Variants in KDM4A observed in about 807,000 individuals in gnomAD.
KDM4A encodes the protein lysine demethylase 4A.
A neutral mutation model predicts 127.1 loss-of-function variants in KDM4A; 23 were observed. The observed-to-expected ratio is 0.18, with a 90% CI of 0.13 to 0.26. The LOEUF (loss-of-function observed/expected upper bound fraction) is 0.26. Ranked by LOEUF, KDM4A falls within the 10% of genes least tolerant of loss-of-function variation. The pLI is 1.00. For synonymous variants in KDM4A, 443 were observed against 466.5 expected, an observed-to-expected ratio of 0.95 and a Z score of 0.65; for missense variants, 890 against 1,329.1, an observed-to-expected ratio of 0.67 and a Z score of 5.14.
chr1:43,691,390 G>C lies in KDM4A; in HGVS notation c.2243-106G>C, dbSNP rs1205606503. ...CTAAAGAAAACTAAGGGGTTTCTGT[G>C]AGATTTGGTTGTAGCTTTGGGAGGT... On this transcript the variant is annotated intron_variant, in intron 14 of 21. Coordinates refer to ENST00000372396, the MANE Select transcript of KDM4A (RefSeq NM_014663.3). 7.3e-6 allele frequency: 7 copies of C among 958,742 alleles called. No individual in the cohort carries two copies. The African/African-American group carries it at 9.7e-5, about 13-fold the overall frequency. The allele number at this position is 958,742 out of a possible 1,614,324, so 59.4% of individuals were successfully genotyped here.
chr1:43,671,373 C>CA (rs1278811555), intron 10 of KDM4A, 132 bp from the exon 11 acceptor site: 4 of 935,996 alleles, frequency 4.3e-6, no homozygotes, highest in Non-Finnish European at 6.2e-6. Flanking sequence ...CAGTGCCCCT[C>CA]AGTGACAGAG....
At chr1:43,703,053 C>T (rs146434046) in intron 19 of KDM4A, among the ~76,000 whole-genome samples, 1,886 of 151,684 alleles carry the variant, frequency 0.012, 41 homozygotes, top group African/African-American at 0.043. Flanking sequence ...CACCATTCTC[C>T]TGCCTCAGAC....
chr1:43,695,226 C>T (rs1226567432), intron 18 of KDM4A, among the ~76,000 whole-genome samples: 2 of 152,172 alleles, frequency 1.3e-5, no homozygotes, highest in African/African-American at 4.8e-5. Flanking sequence ...CATGCAGAAC[C>T]TCTGAAAATG....
chr1:43,653,492 T>G (rs1660166764), intron 2 of KDM4A, among the ~76,000 whole-genome samples, 179 bp downstream of exon 2: 1 of 152,214 alleles, frequency 6.6e-6, no homozygotes, highest in South Asian at 2.1e-4. Context: ...TCTCTGCTTT[T>G]AGGTAGGAAG....
intron 11 of KDM4A, among the ~76,000 whole-genome samples, chr1:43,673,710 T>A (rs1431809613): frequency 6.6e-6 from 1 of 152,194 alleles, no homozygotes; most frequent in African/African-American, 2.4e-5. Flanking sequence ...GCAGCTTCCA[T>A]AAAGGAGGGC....
chr1:43,651,238 T>C (rs1037855615), intron 1 of KDM4A, among the ~76,000 whole-genome samples: 2 of 152,222 alleles, frequency 1.3e-5, no homozygotes, highest in African/African-American at 2.4e-5. Context: ...TTAAATAAAC[T>C]TCGGGTTTCT....
intron 15 of KDM4A, 79 bp downstream of exon 15, chr1:43,691,651 C>T: frequency 1.6e-6 from 2 of 1,225,576 alleles, no homozygotes; most frequent in South Asian, 2.4e-5. Flanking sequence ...ATGTTGGACT[C>T]AGTATTCCCA....
At position 43,663,056 on chromosome 1, in the gene KDM4A, AACTACCTGC is replaced by A; in HGVS notation, c.596_604del (p.Tyr199_His201del). ...TGAAGACATGGACCTCTACAGCATCAACTACCTGCACTTTGGAGAACCAAAGTCCTGGTA... is the reference window on the plus strand; with the variant it reads ...TGAAGACATGGACCTCTACAGCATCAACTTTGGAGAACCAAAGTCCTGGTA... On this transcript the variant is annotated inframe_deletion, in exon 5 of 22. Coordinates refer to ENST00000372396, the MANE Select transcript of KDM4A (RefSeq NM_014663.3). 1 of 1,613,986 alleles carries A rather than the reference AACTACCTGC, an allele frequency of 6.2e-7. No homozygotes were observed. Among genetic ancestry groups the A allele is most frequent in the Non-Finnish European group, 8.5e-7 (1 of 1,179,894 alleles).
At position 43,698,098 on chromosome 1, in the gene KDM4A, G is replaced by C. The variant is rs1661287536; in HGVS notation, c.2841+85G>C. On this transcript the variant is annotated intron_variant, in intron 19 of 21. Coordinates refer to ENST00000372396, the MANE Select transcript of KDM4A (RefSeq NM_014663.3). ...GCTGGCAGACTGTGTGTGTATGCCTGCTTCTTCTAGCCAGGTCCCTGGTCC... is the reference window on the plus strand; with the variant it reads ...GCTGGCAGACTGTGTGTGTATGCCTCCTTCTTCTAGCCAGGTCCCTGGTCC... The C allele has an allele frequency of 4.6e-6, 6 of 1,301,894 alleles. No homozygotes were observed. In the East Asian group the frequency reaches 9.3e-5, roughly 20 times the overall value. The allele number at this position is 1,301,894 out of a possible 1,614,324, so 80.6% of individuals were successfully genotyped here.
chr1:43,687,336 C>T (rs542821194), intron 12 of KDM4A, among the ~76,000 whole-genome samples: 1 of 152,300 alleles, frequency 6.6e-6, no homozygotes, highest in African/African-American at 2.4e-5. Context: ...AATGGAAGTA[C>T]AGACCAGAGC....
intron 4 of KDM4A, among the ~76,000 whole-genome samples, chr1:43,661,608 CAAA>C (rs34131801): frequency 6.0e-3 from 246 of 40,852 alleles, no homozygotes; most frequent in African/African-American, 0.029. Context: ...GACTCTGTCT[CAAA>C]AAAAAAAAAA....
intron 1 of KDM4A, among the ~76,000 whole-genome samples, chr1:43,652,903 C>T (rs2154046167): frequency 6.6e-6 from 1 of 151,972 alleles, no homozygotes; most frequent in African/African-American, 2.4e-5. Context: ...AGGCTGGTCT[C>T]AAACTTATGA....
In KDM4A at chr1:43,689,072, A is replaced by G. The variant is rs769439784; in HGVS notation, c.2014A>G (p.Met672Val). The G allele has an allele frequency of 3.1e-6, 5 of 1,614,206 alleles. No homozygotes were observed. The highest frequency in any genetic ancestry group is 4.2e-6 in the Non-Finnish European group (5 of 1,180,016). Residue 672 changes from methionine (M) to valine (V), a missense_variant, in exon 13 of 22, where the codon ATG (methionine) becomes GTG (valine). Met to Val is a conservative substitution (Grantham distance 21). Transcript: ENST00000372396. ...ACAGGCCCCTCACTGCGCTGTCTGT[A>G]TGATCTTCCAGACTTATCATCAGGT... Reference protein sequence around the residue: ...AQQAPHCAVCMIFQTYHQVEF... With the variant: ...AQQAPHCAVCVIFQTYHQVEF...
At position 43,653,281 on chromosome 1, in the gene KDM4A, T is replaced by A. The variant is rs756901557; in HGVS notation, c.106T>A (p.Ser36Thr). ...NFSRYIAYIE[S>T]QGAHRAGLAK... is the part of the protein sequence containing the mutation. Reference sequence around the variant, plus strand: ...CAGTAGATACATTGCCTACATTGAATCCCAAGGAGCTCATCGGGCAGGGCT... The same window carrying A: ...CAGTAGATACATTGCCTACATTGAAACCCAAGGAGCTCATCGGGCAGGGCT... The change falls in exon 2 of 22, where the codon TCC becomes ACC. Residue 36 changes from serine to threonine, a missense_variant. Coordinates refer to ENST00000372396, the MANE Select transcript of KDM4A (RefSeq NM_014663.3). The A allele has an allele frequency of 1.2e-6, 2 of 1,613,324 alleles. No homozygotes were observed. Among genetic ancestry groups the A allele is most frequent in the Non-Finnish European group, 1.7e-6 (2 of 1,179,646 alleles).
intron 3 of KDM4A, among the ~76,000 whole-genome samples, chr1:43,656,982 A>G (rs2154046419): frequency 6.6e-6 from 1 of 152,030 alleles, no homozygotes; most frequent in Admixed American, 6.6e-5. Flanking sequence ...GGCTTACTGC[A>G]GCCTCGACTG....
intron 11 of KDM4A, among the ~76,000 whole-genome samples, chr1:43,674,189 T>G (rs955928273): frequency 3.3e-5 from 5 of 152,146 alleles, no homozygotes; most frequent in Non-Finnish European, 7.4e-5. Flanking sequence ...GTGATCCTCC[T>G]CCCTTGATCT....
chr1:43,652,907 C>T (rs994683623), intron 1 of KDM4A, among the ~76,000 whole-genome samples: 1 of 151,050 alleles, frequency 6.6e-6, no homozygotes, highest in African/African-American at 2.5e-5. Flanking sequence ...TGGTCTCAAA[C>T]TTATGACCTC....
chr1:43,673,195 C>T (rs1660666077), intron 11 of KDM4A, among the ~76,000 whole-genome samples: 1 of 152,106 alleles, frequency 6.6e-6, no homozygotes, highest in East Asian at 1.9e-4. Flanking sequence ...CCCTGACTCC[C>T]CAGCCTTGGA....
chr1:43,663,121 A>G (rs1570821784), intron 5 of KDM4A, 34 bp downstream of exon 5: 5 of 1,578,004 alleles, frequency 3.2e-6, no homozygotes, highest in African/African-American at 2.7e-5. Flanking sequence ...CCGGGCTTCT[A>G]TGCTAGAGCA....
Sources: gnomAD v4.1 joint callset for allele counts (sites outside exome capture counted in the v4.1 genomes callset) on GRCh38, gnomAD v4.1.1 for gene constraint, MANE v1.5 for transcripts, NCBI Gene and HGNC (gene_info 2026-07-23, HGNC 2026-07-21) for gene names.